The following VGLL4 variants were observed in gnomAD, a reference collection of about 807,000 sequenced individuals.
VGLL4 encodes the protein vestigial like family member 4.
A neutral mutation model predicts 21.0 loss-of-function variants in VGLL4; 7 were observed. The ratio of observed to expected loss-of-function variants is 0.33; its 90% CI spans 0.19 to 0.63. VGLL4 has a LOEUF of 0.63. VGLL4 is among the 20% of genes least tolerant of loss of function. VGLL4 has a pLI of 0.78. For synonymous variants in VGLL4, 222 were observed against 173.2 expected (o/e 1.28, Z -2.21); for missense variants, 394 against 425.7 (o/e 0.93, Z 0.66).
At chr3:11,586,365 A>T (rs1025981428) in intron 2 of VGLL4, among the ~76,000 whole-genome samples, 1 of 152,200 alleles carries the variant, frequency 6.6e-6, no homozygotes, top group Non-Finnish European at 1.5e-5. Flanking sequence ...TGCAGGAAGG[A>T]TAGAAAGAGG....
At chr3:11,713,364 C>G (rs1559959596) in intron 1 of VGLL4, among the ~76,000 whole-genome samples, 1 of 151,902 alleles carries the variant, frequency 6.6e-6, no homozygotes. Flanking sequence ...GAGGCATGTC[C>G]CAAGCAGGTA....
intron 1 of VGLL4, among the ~76,000 whole-genome samples, chr3:11,615,530 C>T (rs937600132): frequency 2.6e-5 from 4 of 152,202 alleles, no homozygotes; most frequent in African/African-American, 9.7e-5. Flanking sequence ...GGAAGCAGAG[C>T]CTGCAGTACA....
At chr3:11,702,977 C>G in exon 2 of VGLL4, 1 of 1,611,028 alleles carries the variant, frequency 6.2e-7, no homozygotes, top group Non-Finnish European at 8.5e-7. Flanking sequence ...TTACGTTTTT[C>G]GTCATCAGCA....
intron 1 of VGLL4, among the ~76,000 whole-genome samples, chr3:11,616,817 G>T (rs2616557): frequency 6.6e-6 from 1 of 152,022 alleles, no homozygotes; most frequent in Non-Finnish European, 1.5e-5. Context: ...TCTTTGCCTC[G>T]AAAATTTTAG....
intron 1 of VGLL4, among the ~76,000 whole-genome samples, chr3:11,619,111 G>GC (rs1157252311): frequency 6.6e-6 from 1 of 152,212 alleles, no homozygotes; most frequent in African/African-American, 2.4e-5. Flanking sequence ...GGAAAACTGA[G>GC]CTGATCAAAG....
intron 2 of VGLL4, among the ~76,000 whole-genome samples, chr3:11,682,459 T>C (rs2125382777): frequency 7.0e-6 from 1 of 143,806 alleles, no homozygotes; most frequent in Middle Eastern, 3.7e-3. Flanking sequence ...GCACCTGTAA[T>C]CCCAGCTACT....
chr3:11,713,559 A>G (rs2076877783), intron 1 of VGLL4, among the ~76,000 whole-genome samples: 1 of 90,204 alleles, frequency 1.1e-5, no homozygotes, highest in African/African-American at 5.3e-5. Context: ...CTGTGTGTAT[A>G]TATATTATTT....
At chr3:11,575,066 C>T (rs966102907) in intron 2 of VGLL4, among the ~76,000 whole-genome samples, 6 of 152,146 alleles carry the variant, frequency 3.9e-5, no homozygotes, top group African/African-American at 9.7e-5. Flanking sequence ...CGTGCCAACC[C>T]CCCATTCCCA....
chr3:11,593,918 AAG>A (rs2074569356), intron 2 of VGLL4, among the ~76,000 whole-genome samples: 1 of 152,196 alleles, frequency 6.6e-6, no homozygotes, highest in East Asian at 1.9e-4. Context: ...GATGGAGCAC[AAG>A]GCTAGTGACC....
intron 2 of VGLL4, among the ~76,000 whole-genome samples, chr3:11,674,252 T>G (rs779970702): frequency 6.6e-6 from 1 of 151,810 alleles, no homozygotes; most frequent in African/African-American, 2.4e-5. Flanking sequence ...CATGGAAGAG[T>G]GACCCCGGAA....
chr3:11,565,119 C>G lies in VGLL4; in HGVS notation c.273-100G>C. 1 of 1,192,038 alleles carries G rather than the reference C, an allele frequency of 8.4e-7. No individual in the cohort carries two copies. Among genetic ancestry groups the G allele is most frequent in the South Asian group, 2.2e-5 (1 of 45,806 alleles). 73.8% of individuals were successfully genotyped at this position (1,192,038 alleles called of 1,614,324 possible). ...CCGTGTTGCTTATTTAATTTTTTAC[C>G]CTGAAGCTCAGGTCGTGTGGCTGGG... On this transcript the variant is annotated intron_variant, in intron 2 of 4. Coordinates refer to ENST00000430365, the MANE Select transcript of VGLL4 (RefSeq NM_001128219.3). This position sits in a 1 kb window ranked among gnomAD's most constrained non-coding sequence, Gnocchi z 4.1.
At chr3:11,638,117 G>A (rs962527373) in intron 1 of VGLL4, among the ~76,000 whole-genome samples, 63 of 152,198 alleles carry the variant, frequency 4.1e-4, no homozygotes, top group South Asian at 1.9e-3. Context: ...CATCCTCACA[G>A]TCAGGGAGAA....
intron 2 of VGLL4, among the ~76,000 whole-genome samples, chr3:11,598,296 G>C (rs2074697168): frequency 6.8e-6 from 1 of 148,142 alleles, no homozygotes. Flanking sequence ...CAAAGTGCTA[G>C]GATTACAGGC....
intron 2 of VGLL4, among the ~76,000 whole-genome samples, chr3:11,575,657 A>G (rs2074016884): frequency 6.6e-6 from 1 of 152,220 alleles, no homozygotes; most frequent in Admixed American, 6.5e-5. Flanking sequence ...GAGAAACTCT[A>G]AGTGATTTTA....
intron 2 of VGLL4, among the ~76,000 whole-genome samples, chr3:11,574,969 G>A (rs2073992894): frequency 6.6e-6 from 1 of 152,086 alleles, no homozygotes; most frequent in South Asian, 2.1e-4. Flanking sequence ...AACCCTTTTG[G>A]CTTGGTAGTG....
chr3:11,561,949 G>C (rs1286082054), intron 3 of VGLL4, among the ~76,000 whole-genome samples: 2 of 148,424 alleles, frequency 1.3e-5, no homozygotes, highest in African/African-American at 2.5e-5. Flanking sequence ...GTCCAGGCTG[G>C]AGTGCAGTGA....
intron 2 of VGLL4, among the ~76,000 whole-genome samples, chr3:11,664,430 T>C (rs539046612): frequency 3.3e-5 from 5 of 152,284 alleles, no homozygotes; most frequent in African/African-American, 9.6e-5. Context: ...CATGTGGCCC[T>C]GGGCAATCAC....
At chr3:11,690,356 T>G (rs1460325718) in intron 2 of VGLL4, among the ~76,000 whole-genome samples, 1 of 152,226 alleles carries the variant, frequency 6.6e-6, no homozygotes, top group Non-Finnish European at 1.5e-5. Flanking sequence ...TTAAAAAGAT[T>G]TTTGGCAAGA....
intron 2 of VGLL4, among the ~76,000 whole-genome samples, chr3:11,668,527 A>G (rs2076159488): frequency 6.6e-6 from 1 of 152,148 alleles, no homozygotes; most frequent in African/African-American, 2.4e-5. Context: ...TTAATTTAAC[A>G]AGATCTCTGG....
Sources: allele counts gnomAD v4.1 joint callset (sites outside exome capture counted in the v4.1 genomes callset), GRCh38; gene constraint gnomAD v4.1.1; non-coding constraint Gnocchi (gnomAD v3.1); transcripts MANE v1.5; gene names NCBI Gene and HGNC (gene_info 2026-07-23, HGNC 2026-07-21).